MSRA: variants seen among roughly 807,000 people sequenced by gnomAD.
MSRA encodes mitochondrial peptide methionine sulfoxide reductase.
A neutral mutation model predicts 31.3 loss-of-function variants in MSRA; 54 were observed. That is an observed-to-expected ratio of 1.73 (90% CI 1.39 to 2.17). The LOEUF (loss-of-function observed/expected upper bound fraction) is 2.17, where lower values mean the gene tolerates loss of function less well. Among genes scored for constraint, MSRA ranks in the 30% most tolerant of loss-of-function variants. The pLI, the probability that MSRA is intolerant of heterozygous loss-of-function variation, is 0.00. For missense variants in MSRA, 507 were observed against 300.9 expected (o/e 1.69, Z -5.07); for synonymous variants, 169 against 116.5 (o/e 1.45, Z -2.90).
intron 1 of MSRA, among the ~76,000 whole-genome samples, chr8:10,055,942 T>A (rs1180228102): frequency 6.6e-6 from 1 of 152,166 alleles, no homozygotes; most frequent in African/African-American, 2.4e-5. Flanking sequence ...AAAAGTTTAT[T>A]TTTGATTCAA....
At chr8:10,276,646 C>T (rs954195712) in intron 3 of MSRA, among the ~76,000 whole-genome samples, 1 of 152,184 alleles carries the variant, frequency 6.6e-6, no homozygotes, top group Non-Finnish European at 1.5e-5. Context: ...GAGCAGCATG[C>T]GTGTCTGCAA....
chr8:10,192,066 C>T (rs1187679384), intron 1 of MSRA, among the ~76,000 whole-genome samples: 4 of 152,112 alleles, frequency 2.6e-5, no homozygotes, highest in African/African-American at 9.7e-5. Flanking sequence ...ACATGGGCCT[C>T]TTCATAGGGC....
intron 4 of MSRA, among the ~76,000 whole-genome samples, chr8:10,302,193 A>G (rs1250187445): frequency 6.6e-6 from 1 of 152,258 alleles, no homozygotes; most frequent in Non-Finnish European, 1.5e-5. Flanking sequence ...AGATATTAAT[A>G]TATTTGGGCT....
chr8:10,211,742 G>A (rs376246692), intron 2 of MSRA, among the ~76,000 whole-genome samples: 1 of 152,076 alleles, frequency 6.6e-6, no homozygotes, highest in African/African-American at 2.4e-5. Flanking sequence ...ACCCTGCTGG[G>A]CCTGTCTTAG....
intron 3 of MSRA, among the ~76,000 whole-genome samples, chr8:10,274,608 A>G (rs948504611): frequency 6.6e-6 from 1 of 152,210 alleles, no homozygotes; most frequent in African/African-American, 2.4e-5. Flanking sequence ...CTGTATATAT[A>G]GAGGTCAGCC....
chr8:10,160,585 T>G (rs1804548957), intron 1 of MSRA, among the ~76,000 whole-genome samples: 1 of 152,194 alleles, frequency 6.6e-6, no homozygotes, highest in Non-Finnish European at 1.5e-5. Flanking sequence ...TTTCATGAAT[T>G]TAGCAGGAGG....
intron 5 of MSRA, among the ~76,000 whole-genome samples, chr8:10,344,285 A>G (rs1803629520): frequency 6.6e-6 from 1 of 152,180 alleles, no homozygotes; most frequent in Admixed American, 6.5e-5. Flanking sequence ...ATGGTGGACT[A>G]TAGAGTGGTG....
At chr8:10,310,475 C>T (rs993874289) in intron 4 of MSRA, among the ~76,000 whole-genome samples, 1 of 152,158 alleles carries the variant, frequency 6.6e-6, no homozygotes, top group Non-Finnish European at 1.5e-5. Flanking sequence ...TCATATAATA[C>T]TATAAAGCTT....
chr8:10,065,291 C>T (rs1160990304), intron 1 of MSRA, among the ~76,000 whole-genome samples: 1 of 152,202 alleles, frequency 6.6e-6, no homozygotes, highest in African/African-American at 2.4e-5. Context: ...GCTGGGAAAG[C>T]ACCTGACACC....
At chr8:10,058,807 A>T (rs537347869) in intron 1 of MSRA, among the ~76,000 whole-genome samples, 6 of 152,358 alleles carry the variant, frequency 3.9e-5, no homozygotes, top group Admixed American at 3.9e-4. Context: ...TTAAAAATAA[A>T]TTCTACCTTT....
chr8:10,063,068 G>A (rs1434648600), intron 1 of MSRA, among the ~76,000 whole-genome samples: 7 of 152,128 alleles, frequency 4.6e-5, no homozygotes, highest in African/African-American at 1.4e-4. Context: ...ACGAGATGCT[G>A]TAAGCCTGAA....
At chr8:10,266,835 G>A (rs1213641670) in intron 3 of MSRA, among the ~76,000 whole-genome samples, 2 of 152,154 alleles carry the variant, frequency 1.3e-5, no homozygotes, top group East Asian at 3.8e-4. Context: ...CACCGATGGT[G>A]ACAGAAGTCT....
At chr8:10,160,982 AAAT>A (rs1202326401) in intron 1 of MSRA, among the ~76,000 whole-genome samples, 2 of 152,234 alleles carry the variant, frequency 1.3e-5, no homozygotes, top group Non-Finnish European at 2.9e-5. Context: ...TAATTATGCC[AAAT>A]AATAACACTA....
intron 1 of MSRA, among the ~76,000 whole-genome samples, chr8:10,159,124 CA>C (rs1804421686): frequency 6.6e-6 from 1 of 151,922 alleles, no homozygotes. Flanking sequence ...AAGGTAGTGG[CA>C]GTAAGAATGG....
At chr8:10,223,297 G>C (rs9657537) in intron 2 of MSRA, among the ~76,000 whole-genome samples, 1 of 152,208 alleles carries the variant, frequency 6.6e-6, no homozygotes, top group Non-Finnish European at 1.5e-5. Flanking sequence ...AGTTGAAGTT[G>C]AGAAGCACTT....
At chr8:10,300,528 T>C (rs1485165382) in intron 3 of MSRA, among the ~76,000 whole-genome samples, 3 of 152,236 alleles carry the variant, frequency 2.0e-5, no homozygotes, top group Admixed American at 2.0e-4. Flanking sequence ...AGTGCTGGGA[T>C]TACAGGCATC....
chr8:10,182,838 C>T (rs376378618), intron 1 of MSRA, among the ~76,000 whole-genome samples: 59 of 152,298 alleles, frequency 3.9e-4, no homozygotes, highest in African/African-American at 1.3e-3. Flanking sequence ...GTAACTTAAT[C>T]ACATAAGCGG....
intron 4 of MSRA, among the ~76,000 whole-genome samples, chr8:10,305,194 G>T (rs781093544): frequency 6.6e-6 from 1 of 152,152 alleles, no homozygotes; most frequent in Admixed American, 6.5e-5. Context: ...AGTGATATTT[G>T]CAAATGTGGA....
intron 4 of MSRA, among the ~76,000 whole-genome samples, chr8:10,304,525 A>G (rs1801020007): frequency 6.6e-6 from 1 of 152,234 alleles, no homozygotes; most frequent in African/African-American, 2.4e-5. Context: ...TTCCTGGGGA[A>G]CCCTGAAGGT....
Sources: allele counts gnomAD v4.1 joint callset (sites outside exome capture counted in the v4.1 genomes callset), GRCh38; gene constraint gnomAD v4.1.1; transcripts MANE v1.5; gene names NCBI Gene and HGNC (gene_info 2026-07-23, HGNC 2026-07-21).